SLC25A13: variants seen among roughly 807,000 people sequenced by gnomAD.
The protein encoded by SLC25A13 is solute carrier family 25 member 13.
SLC25A13 carries 70 observed loss-of-function variants against 85.5 expected under a neutral mutation model. The ratio of observed to expected loss-of-function variants is 0.82; its 90% CI spans 0.68 to 1.00. The LOEUF is 1.00. Ranked by LOEUF, SLC25A13 falls within the 50% of genes least tolerant of loss-of-function variation. The pLI, the probability that SLC25A13 is intolerant of heterozygous loss-of-function variation, is 0.00. For missense variants in SLC25A13, 765 were observed against 819.8 expected, an observed-to-expected ratio of 0.93 and a Z score of 0.82; for synonymous variants, 259 against 288.7, an observed-to-expected ratio of 0.90 and a Z score of 1.04.
Position 96,121,324 on chromosome 7 carries a change from G to A in SLC25A13, c.1895C>T (p.Pro632Leu), listed in dbSNP as rs573420716. Reference sequence around the variant, plus strand: ...GTAGCCCCCAACGTGATCAGGATTCGGGGCAGGCAGGTTGATCCTGGATTT... The same window carrying A: ...GTAGCCCCCAACGTGATCAGGATTCAGGGCAGGCAGGTTGATCCTGGATTT... ...VPKSRINLPA[P>L]NPDHVGGYKL... The change falls in exon 18 of 18, where the codon CCG becomes CTG. Residue 632 changes from proline (P) to leucine (L), a missense_variant. Physicochemically the swap from Pro to Leu is moderately conservative, Grantham distance 98. Coordinates refer to ENST00000265631, the MANE Select transcript of SLC25A13 (RefSeq NM_014251.3). 9.7e-5 allele frequency: 157 copies of A among 1,614,126 alleles called. No individual in the cohort carries two copies. Among genetic ancestry groups the A allele is most frequent in the South Asian group, 2.6e-4 (24 of 91,074 alleles).
intron 1 of SLC25A13, among the ~76,000 whole-genome samples, chr7:96,304,998 TAACGATAA>T (rs912661336): frequency 6.6e-6 from 1 of 152,234 alleles, no homozygotes; most frequent in Non-Finnish European, 1.5e-5. Flanking sequence ...TTATTAATTA[TAACGATAA>T]CAATGACCAG....
chr7:96,315,073 G>A, intron 1 of SLC25A13, among the ~76,000 whole-genome samples: 1 of 151,988 alleles, frequency 6.6e-6, no homozygotes, highest in East Asian at 1.9e-4. Flanking sequence ...GTCAAGTTTG[G>A]GATTAAAACC....
At chr7:96,190,445 C>T (rs941039678) in intron 7 of SLC25A13, among the ~76,000 whole-genome samples, 1 of 151,958 alleles carries the variant, frequency 6.6e-6, no homozygotes, top group Non-Finnish European at 1.5e-5. Flanking sequence ...CCCAAGCCTA[C>T]AGACCAACTT....
intron 5 of SLC25A13, among the ~76,000 whole-genome samples, chr7:96,197,226 T>C (rs777577947): frequency 6.6e-6 from 1 of 152,238 alleles, no homozygotes; most frequent in Non-Finnish European, 1.5e-5. Flanking sequence ...TGTGGAAAGA[T>C]AAAAACTCAA....
At chr7:96,224,383 G>A (rs759672259) in intron 4 of SLC25A13, among the ~76,000 whole-genome samples, 9 of 152,042 alleles carry the variant, frequency 5.9e-5, no homozygotes, top group African/African-American at 1.4e-4. Context: ...TTAAGGGCCC[G>A]GCCCTGTCGT....
chr7:96,253,961 T>C (rs146475266), intron 3 of SLC25A13, among the ~76,000 whole-genome samples: 1 of 152,210 alleles, frequency 6.6e-6, no homozygotes, highest in Non-Finnish European at 1.5e-5. Flanking sequence ...TACATATTTA[T>C]AGAATTATCT....
chr7:96,241,224 C>T (rs1796985803), intron 3 of SLC25A13, among the ~76,000 whole-genome samples: 1 of 152,030 alleles, frequency 6.6e-6, no homozygotes, highest in African/African-American at 2.4e-5. Context: ...AGCCCTGCCC[C>T]ACAAGAAGCA....
intron 5 of SLC25A13, among the ~76,000 whole-genome samples, chr7:96,203,990 G>A (rs1027625220): frequency 3.3e-5 from 5 of 152,176 alleles, no homozygotes; most frequent in Non-Finnish European, 5.9e-5. Flanking sequence ...TCTTGAATTT[G>A]TCACACACCT....
At chr7:96,168,335 TG>T (rs1793859093) in intron 13 of SLC25A13, among the ~76,000 whole-genome samples, 1 of 152,024 alleles carries the variant, frequency 6.6e-6, no homozygotes, top group African/African-American at 2.4e-5. Flanking sequence ...CTCTTTGAGA[TG>T]AAGGATGGCA....
At chr7:96,264,747 C>T (rs556737583) in intron 3 of SLC25A13, among the ~76,000 whole-genome samples, 2 of 151,390 alleles carry the variant, frequency 1.3e-5, no homozygotes, top group South Asian at 4.2e-4. Context: ...CAGGGTCTCG[C>T]TATGTTAGCC....
chr7:96,282,995 C>G (rs1430582378), intron 2 of SLC25A13, among the ~76,000 whole-genome samples: 5 of 152,080 alleles, frequency 3.3e-5, no homozygotes, highest in Non-Finnish European at 5.9e-5. Context: ...AGGAAATGAA[C>G]ACTTCCGTGT....
chr7:96,241,032 AG>A (rs1796961099), intron 3 of SLC25A13, among the ~76,000 whole-genome samples: 1 of 92,378 alleles, frequency 1.1e-5, no homozygotes, highest in South Asian at 3.7e-4. Context: ...AAGAAAAGAA[AG>A]AAAGGAAAGA....
chr7:96,139,132 C>T (rs985818767), intron 14 of SLC25A13, among the ~76,000 whole-genome samples: 2 of 152,158 alleles, frequency 1.3e-5, no homozygotes, highest in African/African-American at 2.4e-5. Context: ...TTTAGTAAAT[C>T]CACACAACGA....
At position 96,171,332 on chromosome 7, in the gene SLC25A13, T is replaced by C. The variant is rs1020471280; in HGVS notation, c.1230+140A>G. ...TGCTAAATGGAGAATAATGAAAAAA[T>C]GTGTGTGGTGAGTTCCCCTGCTTTC... On this transcript the variant is annotated intron_variant, in intron 12 of 17. Coordinates refer to ENST00000265631, the MANE Select transcript of SLC25A13 (RefSeq NM_014251.3). The C allele has an allele frequency of 9.3e-6, 7 of 750,078 alleles. No individual in the cohort carries two copies. The Admixed American group carries it at 1.5e-4, about 16-fold the overall frequency. The allele number at this position is 750,078 out of a possible 1,614,324, so 46.5% of individuals were successfully genotyped here.
intron 3 of SLC25A13, among the ~76,000 whole-genome samples, chr7:96,255,504 A>G (rs1392858705): frequency 6.6e-6 from 1 of 152,142 alleles, no homozygotes; most frequent in African/African-American, 2.4e-5. Context: ...TGGGAAACAC[A>G]GGGAAACCCC....
chr7:96,185,320 AG>A (rs1345334678), intron 9 of SLC25A13, among the ~76,000 whole-genome samples: 2 of 152,222 alleles, frequency 1.3e-5, no homozygotes, highest in Non-Finnish European at 2.9e-5. Context: ...CACTGAGGCC[AG>A]GCACGGTGGC....
At chr7:96,134,933 T>C (rs934279986) in intron 14 of SLC25A13, among the ~76,000 whole-genome samples, 2 of 151,652 alleles carry the variant, frequency 1.3e-5, no homozygotes, top group Non-Finnish European at 2.9e-5. Context: ...GAACAAATGT[T>C]AGGATATGCA....
rs1414955886 is a variant in SLC25A13, at chr7:96,322,072, C to G, written c.-116G>C. On this transcript the variant is annotated 5_prime_UTR_variant, in exon 1 of 18. Transcript: ENST00000265631. Reference sequence around the variant, plus strand: ...GCGGCGGTGGGGGCGGCGATACGGCCAGGCAGCGTGCGTTCCTGGCCTGCC... The same window carrying G: ...GCGGCGGTGGGGGCGGCGATACGGCGAGGCAGCGTGCGTTCCTGGCCTGCC... The G allele has an allele frequency of 2.1e-6, 3 of 1,403,170 alleles. No homozygotes were observed. In the African/African-American group the frequency reaches 4.5e-5, roughly 21 times the overall value. 86.9% of individuals were successfully genotyped at this position (1,403,170 alleles called of 1,614,324 possible). A position where few individuals can be genotyped will look rare whatever the true frequency, so the allele number is the denominator to read the frequency against.
At chr7:96,224,905 G>A (rs1344469828) in intron 4 of SLC25A13, among the ~76,000 whole-genome samples, 5 of 152,104 alleles carry the variant, frequency 3.3e-5, no homozygotes, top group Non-Finnish European at 5.9e-5. Context: ...CAGTCAGCCA[G>A]GATCAGGCTG....
Sources: gnomAD v4.1 joint callset for allele counts (sites outside exome capture counted in the v4.1 genomes callset) on GRCh38, gnomAD v4.1.1 for gene constraint, MANE v1.5 for transcripts, NCBI Gene and HGNC (gene_info 2026-07-23, HGNC 2026-07-21) for gene names.